PSG1: variants seen among roughly 807,000 people sequenced by gnomAD.
PSG1 encodes the protein pregnancy-specific beta-1-glycoprotein 1.
Under a neutral mutation model 41.4 loss-of-function variants are expected in PSG1, and 60 were observed. The ratio of observed to expected loss-of-function variants is 1.45; its 90% CI spans 1.18 to 1.80. The LOEUF (loss-of-function observed/expected upper bound fraction) is 1.80, where lower values mean the gene tolerates loss of function less well. PSG1 is among the 40% of genes most tolerant of loss of function. The pLI is 0.00. For synonymous variants in PSG1, 256 were observed against 192.9 expected (o/e 1.33, Z -2.71); for missense variants, 806 against 516.9 (o/e 1.56, Z -5.42).
At chr19:42,870,383 T>C (rs983159241) in intron 3 of PSG1, 1 of 151,668 alleles carries the variant, frequency 6.6e-6, no homozygotes, top group Non-Finnish European at 1.5e-5. Flanking sequence ...AAGCCAAAGA[T>C]ATTCTTGCCC....
rs555140264 is a variant in PSG1, at chr19:42,867,144, G to C, written c.1250C>G (p.Thr417Arg). ...AGGTACTAGTAGAATTCAGGGAACTGTCCAGTCTACAGGTGGATAATAAAA... is the reference window on the plus strand; with the variant it reads ...AGGTACTAGTAGAATTCAGGGAACTCTCCAGTCTACAGGTGGATAATAAAA... ...KSMTVEVSDW[T>R]VP Residue 417 changes from threonine (T) to arginine (R), a missense_variant, in exon 6 of 6, where the codon ACA becomes AGA. Thr to Arg is a moderately conservative substitution (Grantham distance 71, BLOSUM62 -1). Coordinates refer to ENST00000436291, the MANE Select transcript of PSG1 (RefSeq NM_001184825.2). The C allele has an allele frequency of 7.8e-6, 6 of 769,498 alleles. 1 individual carries two copies. The East Asian group carries it at 1.2e-4, about 16-fold the overall frequency. The allele number at this position is 769,498 out of a possible 1,614,324, so 47.7% of individuals were successfully genotyped here.
At chr19:42,869,258 A>G (rs956493268) in intron 3 of PSG1, 26 of 1,020,536 alleles carry the variant, frequency 2.5e-5, no homozygotes, top group African/African-American at 1.2e-4. Flanking sequence ...TGAAGTGTCA[A>G]TTGAGCAGCA....
At position 42,872,037 on chromosome 19, in the gene PSG1, G is replaced by C; in HGVS notation, c.439C>G (p.Pro147Ala). ...RFTFTLHLET[P>A]KPSISSSNLN... is the part of the protein sequence containing the mutation. Reference sequence around the variant, plus strand: ...TTGCTGCTGGAGATGGAGGGCTTAGGAGTCTCCACTGTGCAGAAAACAGGG... The same window carrying C: ...TTGCTGCTGGAGATGGAGGGCTTAGCAGTCTCCACTGTGCAGAAAACAGGG... Residue 147 changes from proline (P) to alanine (A), a missense_variant, in exon 3 of 6, where the codon CCT (proline) becomes GCT (alanine). By Grantham distance (27) the Pro-to-Ala change is conservative. Coordinates refer to ENST00000436291, the MANE Select transcript of PSG1 (RefSeq NM_001184825.2). 1 of 1,611,570 alleles carries C rather than the reference G, an allele frequency of 6.2e-7. No homozygotes were observed. Among genetic ancestry groups the C allele is most frequent in the Non-Finnish European group, 8.5e-7 (1 of 1,178,814 alleles).
At chr19:42,878,894 A>T (rs561621030) in intron 1 of PSG1, among the ~76,000 whole-genome samples, 2 of 151,168 alleles carry the variant, frequency 1.3e-5, no homozygotes, top group African/African-American at 4.9e-5. Flanking sequence ...TTTTCCCCCA[A>T]TTGTTGAGGT....
At chr19:42,872,306 C>G (rs2122521622) in intron 2 of PSG1, among the ~76,000 whole-genome samples, 1 of 151,674 alleles carries the variant, frequency 6.6e-6, no homozygotes, top group Non-Finnish European at 1.5e-5. Context: ...AGACACAGGA[C>G]CAGCAGTCAC....
chr19:42,873,727 G>A (rs370760106), intron 2 of PSG1, among the ~76,000 whole-genome samples: 4 of 151,786 alleles, frequency 2.6e-5, no homozygotes, highest in African/African-American at 9.7e-5. Flanking sequence ...ACTGGTCAGT[G>A]CATCAATTAC....
rs771964884 is a variant in PSG1, at chr19:42,871,934, C to A, written c.542G>T (p.Trp181Leu). The A allele has an allele frequency of 1.9e-6, 3 of 1,612,310 alleles. No individual in the cohort carries two copies. Among genetic ancestry groups the A allele is most frequent in the South Asian group, 1.1e-5 (1 of 90,830 alleles). ...CATAGGGAGGCTCTGACCATTCATC[C>A]ACCACAGGTAGCTTGCGTCTGGAGT... Reference protein sequence around the residue: ...PETPDASYLWWMNGQSLPMTH... With the variant: ...PETPDASYLWLMNGQSLPMTH... Residue 181 changes from tryptophan to leucine, a missense_variant, in exon 3 of 6, where the codon TGG becomes TTG. By Grantham distance (61) the Trp-to-Leu change is moderately conservative. Transcript: ENST00000436291.
At chr19:42,877,537 G>T (rs1263954172) in intron 2 of PSG1, among the ~76,000 whole-genome samples, 2 of 151,740 alleles carry the variant, frequency 1.3e-5, no homozygotes, top group Non-Finnish European at 2.9e-5. Flanking sequence ...GAGGCTTCTA[G>T]GGCTGAGCTT....
In PSG1 at chr19:42,877,786, C is replaced by T. The variant is rs537847489; in HGVS notation, c.430+127G>A. The stretch of plus-strand genomic sequence containing the variant: ...TCTGTGTGTGTCCTGCACTAAATGC[C>T]CAAATCCCAGCATGGGACATAACGC... On this transcript the variant is annotated intron_variant, in intron 2 of 5. Coordinates refer to ENST00000436291, the MANE Select transcript of PSG1 (RefSeq NM_001184825.2). The T allele has an allele frequency of 1.2e-5, 19 of 1,573,420 alleles. 1 individual carries two copies. The East Asian group carries it at 4.3e-4, about 35-fold the overall frequency.
At chr19:42,876,289 G>A (rs1364368126) in intron 2 of PSG1, among the ~76,000 whole-genome samples, 2 of 151,382 alleles carry the variant, frequency 1.3e-5, no homozygotes, top group Non-Finnish European at 2.9e-5. Flanking sequence ...AAACTCCAGG[G>A]ACCAGGTGCC....
chr19:42,877,840 T>A, intron 2 of PSG1, 73 bp downstream of exon 2: 2 of 1,609,608 alleles, frequency 1.2e-6, no homozygotes, highest in Non-Finnish European at 1.7e-6. Context: ...AGTCCAGGCC[T>A]GACAATCCTG....
At chr19:42,867,975 G>T in intron 5 of PSG1, 126 bp downstream of exon 5, 2 of 1,600,220 alleles carry the variant, frequency 1.2e-6, no homozygotes, top group South Asian at 1.1e-5. Context: ...TTCAGGAGGA[G>T]AATTTGGGAT....
In PSG1 at chr19:42,871,817, C is replaced by T. The variant is rs200725827; in HGVS notation, c.659G>A (p.Arg220Gln). ...YTAGPYECEI[R>Q]NPVSASRSDP... is the part of the protein sequence containing the mutation. Reference sequence around the variant, plus strand: ...ACTGCGGCTGGCACTCACTGGGTTCCGTATTTCACATTCATAGGGTCCTGC... The same window carrying T: ...ACTGCGGCTGGCACTCACTGGGTTCTGTATTTCACATTCATAGGGTCCTGC... The change falls in exon 3 of 6, where the codon CGG becomes CAG. Residue 220 changes from arginine (R) to glutamine (Q), a missense_variant. Arg to Gln is a conservative substitution (Grantham distance 43). Coordinates refer to ENST00000436291, the MANE Select transcript of PSG1 (RefSeq NM_001184825.2). 3.0e-5 allele frequency: 49 copies of T among 1,612,590 alleles called. No homozygotes were observed. The highest frequency in any genetic ancestry group is 6.7e-5 in the Admixed American group (4 of 59,918).
intron 1 of PSG1, among the ~76,000 whole-genome samples, chr19:42,879,157 CTT>C (rs58030325): frequency 2.9e-5 from 4 of 139,566 alleles, no homozygotes; most frequent in Non-Finnish European, 1.5e-5. Flanking sequence ...TTTCTTTTTT[CTT>C]TTTTTTTTTT....
At chr19:42,878,428 C>T (rs1269305014) in intron 1 of PSG1, 150 bp from the exon 2 acceptor site, 2 of 1,249,674 alleles carry the variant, frequency 1.6e-6, no homozygotes, top group Admixed American at 2.6e-5. Context: ...CACACACACA[C>T]AAAAGCGGCA....
chr19:42,877,123 A>G (rs1339599348), intron 2 of PSG1, among the ~76,000 whole-genome samples: 2 of 151,644 alleles, frequency 1.3e-5, no homozygotes, highest in South Asian at 2.1e-4. Flanking sequence ...TTTCACACAA[A>G]CAGCATTTAT....
rs912354454 is a variant in PSG1 at position 42,878,400 on chromosome 19, C to T, written c.65-122G>A. 21 of 1,341,704 alleles carry T rather than the reference C, an allele frequency of 1.6e-5. 1 individual carries two copies. In the South Asian group the frequency reaches 2.8e-4, roughly 18 times the overall value. The allele number at this position is 1,341,704 out of a possible 1,614,324, so 83.1% of individuals were successfully genotyped here. A position where few individuals can be genotyped will look rare whatever the true frequency, so the allele number is the denominator to read the frequency against. ...CCTTGACAACACAGACACACACACACATACAAACACACACACACACACACA... is the reference window on the plus strand; with the variant it reads ...CCTTGACAACACAGACACACACACATATACAAACACACACACACACACACA... On this transcript the variant is annotated intron_variant, in intron 1 of 5. Coordinates refer to ENST00000436291, the MANE Select transcript of PSG1 (RefSeq NM_001184825.2).
At chr19:42,867,716 C>T in intron 5 of PSG1, 1 of 835,366 alleles carries the variant, frequency 1.2e-6, no homozygotes, top group Non-Finnish European at 2.1e-6. Context: ...TTACGGTTCC[C>T]AGAAGTATAG....
At position 42,867,768 on chromosome 19, in the gene PSG1, A is replaced by G. The variant is rs747445770; in HGVS notation, c.1243+333T>C. The stretch of plus-strand genomic sequence containing the variant: ...AAGCTGTAGATAGATTAAAAGAGAA[A>G]AATTCCATCAATGTAGAAAACAAAC... On this transcript the variant is annotated intron_variant, in intron 5 of 5. Coordinates refer to ENST00000436291, the MANE Select transcript of PSG1 (RefSeq NM_001184825.2). The G allele has an allele frequency of 1.1e-5, 11 of 983,386 alleles. No individual in the cohort carries two copies. The Admixed American group carries it at 2.4e-4, about 22-fold the overall frequency. The allele number at this position is 983,386 out of a possible 1,614,324, so 60.9% of individuals were successfully genotyped here.
Sources: gnomAD v4.1 joint callset for allele counts (sites outside exome capture counted in the v4.1 genomes callset) on GRCh38, gnomAD v4.1.1 for gene constraint, MANE v1.5 for transcripts, NCBI Gene and HGNC (gene_info 2026-07-23, HGNC 2026-07-21) for gene names.